The following ADGRV1 variants were observed in gnomAD, a reference collection of about 807,000 sequenced individuals.
ADGRV1 encodes G-protein coupled receptor 98.
A neutral mutation model predicts 596.2 loss-of-function variants in ADGRV1; 359 were observed. The ratio of observed to expected loss-of-function variants is 0.60; its 90% confidence interval spans 0.55 to 0.66. ADGRV1 has a LOEUF of 0.66. Among genes scored for constraint, ADGRV1 ranks in the 30% least tolerant of loss-of-function variants. ADGRV1 has a pLI of 0.00. For synonymous variants in ADGRV1, 2,681 were observed against 2,679.2 expected, an observed-to-expected ratio of 1.00 and a Z score of -0.02; for missense variants, 7,274 against 7,575.6, an observed-to-expected ratio of 0.96 and a Z score of 1.48.
intron 83 of ADGRV1, among the ~76,000 whole-genome samples, chr5:90,913,754 C>T (rs1773108259): frequency 6.6e-6 from 1 of 152,086 alleles, no homozygotes; most frequent in Non-Finnish European, 1.5e-5. Context: ...AAACCTTATT[C>T]TGAAATGAGT....
chr5:90,961,406 T>C (rs1365822204), intron 83 of ADGRV1, among the ~76,000 whole-genome samples: 1 of 147,484 alleles, frequency 6.8e-6, no homozygotes, highest in Non-Finnish European at 1.5e-5. Flanking sequence ...GAGATTCGCT[T>C]GAACCCGGGA....
chr5:90,847,151 C>G (rs1581305371), intron 78 of ADGRV1, among the ~76,000 whole-genome samples: 2 of 152,304 alleles, frequency 1.3e-5, no homozygotes, highest in African/African-American at 4.8e-5. Flanking sequence ...GGTGCATTCA[C>G]AAACCCTGAG....
At chr5:91,122,013 A>G (rs1488627305) in intron 87 of ADGRV1, among the ~76,000 whole-genome samples, 1 of 152,136 alleles carries the variant, frequency 6.6e-6, no homozygotes, top group African/African-American at 2.4e-5. Context: ...ATTGAACTTC[A>G]AAAGTGTTGT....
intron 57 of ADGRV1, among the ~76,000 whole-genome samples, chr5:90,757,980 C>T (rs1756018541): frequency 6.6e-6 from 1 of 152,246 alleles, no homozygotes; most frequent in Non-Finnish European, 1.5e-5. Flanking sequence ...GATTTTCCTA[C>T]ACAGAAAAAC....
At chr5:90,817,560 G>A (rs903076034) in intron 75 of ADGRV1, among the ~76,000 whole-genome samples, 1 of 151,876 alleles carries the variant, frequency 6.6e-6, no homozygotes, top group Non-Finnish European at 1.5e-5. Context: ...TAATGTTTAA[G>A]TCTTTAATCC....
chr5:90,841,699 A>G (rs1765446950), intron 78 of ADGRV1, among the ~76,000 whole-genome samples: 1 of 152,204 alleles, frequency 6.6e-6, no homozygotes, highest in Non-Finnish European at 1.5e-5. Flanking sequence ...TCCTATCAAT[A>G]TATTTATATA....
At chr5:90,601,002 C>T (rs760863711) in intron 1 of ADGRV1, among the ~76,000 whole-genome samples, 3 of 151,948 alleles carry the variant, frequency 2.0e-5, no homozygotes, top group South Asian at 2.1e-4. Flanking sequence ...TTTGGGAGGC[C>T]GAGGCGGGTG....
intron 51 of ADGRV1, 85 bp from the exon 52 acceptor site, chr5:90,745,506 A>G: frequency 1.1e-6 from 1 of 940,936 alleles, no homozygotes; most frequent in Non-Finnish European, 1.6e-6. Context: ...AACCTTTAAT[A>G]TCAATTAATG....
chr5:90,910,804 C>G (rs1772817974), intron 83 of ADGRV1, among the ~76,000 whole-genome samples: 1 of 152,138 alleles, frequency 6.6e-6, no homozygotes, highest in South Asian at 2.1e-4. Context: ...GACTGAAAAT[C>G]TAATCTTTTA....
intron 42 of ADGRV1, among the ~76,000 whole-genome samples, chr5:90,713,954 G>C (rs1749736210): frequency 6.6e-6 from 1 of 152,102 alleles, no homozygotes. Flanking sequence ...ATGCCCCATT[G>C]ATTGACCTTG....
At chr5:90,983,623 C>A (rs1780256658) in intron 84 of ADGRV1, among the ~76,000 whole-genome samples, 1 of 151,992 alleles carries the variant, frequency 6.6e-6, no homozygotes, top group African/African-American at 2.4e-5. Context: ...TTACACAACC[C>A]CGCTTATTTG....
intron 83 of ADGRV1, among the ~76,000 whole-genome samples, chr5:90,906,731 T>G (rs970184506): frequency 6.6e-6 from 1 of 152,152 alleles, no homozygotes; most frequent in Non-Finnish European, 1.5e-5. Context: ...TCAATTGTAT[T>G]TATTGCTGCT....
intron 87 of ADGRV1, among the ~76,000 whole-genome samples, chr5:91,124,375 T>C (rs1009002814): frequency 2.6e-5 from 4 of 152,218 alleles, no homozygotes; most frequent in African/African-American, 9.6e-5. Flanking sequence ...AATGTTTGTC[T>C]TGTTTTTCTC....
At chr5:91,042,886 T>C (rs1371053419) in intron 85 of ADGRV1, among the ~76,000 whole-genome samples, 1 of 152,110 alleles carries the variant, frequency 6.6e-6, no homozygotes. Context: ...GTTCACTGTT[T>C]GGCTTCAACT....
At chr5:90,953,087 T>A (rs1287724417) in intron 83 of ADGRV1, among the ~76,000 whole-genome samples, 3 of 152,138 alleles carry the variant, frequency 2.0e-5, no homozygotes, top group Non-Finnish European at 4.4e-5. Flanking sequence ...GAAAGCCATG[T>A]GAAAAAATCT....
Position 91,102,120 on chromosome 5 carries a change from G to A in ADGRV1, c.18311-99G>A, listed in dbSNP as rs1467877922. ...ATTTCCAAGGTTGTTCTCTCAAAAT[G>A]GGCACTAGAATACCACAGAAAGAAG... On this transcript the variant is annotated intron_variant, in intron 86 of 89. Transcript: ENST00000405460. 4 of 1,039,216 alleles carry A rather than the reference G, an allele frequency of 3.8e-6. No homozygotes were observed. In the Admixed American group the frequency reaches 1.1e-4, roughly 28 times the overall value. The allele number at this position is 1,039,216 out of a possible 1,614,324, so 64.4% of individuals were successfully genotyped here.
chr5:90,729,174 G>A (rs982587164), intron 49 of ADGRV1, among the ~76,000 whole-genome samples: 2 of 152,126 alleles, frequency 1.3e-5, no homozygotes, highest in Non-Finnish European at 2.9e-5. Flanking sequence ...ATTGGAAGTA[G>A]GTAGGTAAAG....
chr5:90,754,698 T>TA (rs1755640173), intron 54 of ADGRV1, among the ~76,000 whole-genome samples: 1 of 152,148 alleles, frequency 6.6e-6, no homozygotes, highest in South Asian at 2.1e-4. Context: ...CAATTTCTGT[T>TA]AAAGTGTATG....
At chr5:91,112,059 A>G (rs913115272) in intron 87 of ADGRV1, among the ~76,000 whole-genome samples, 1 of 152,232 alleles carries the variant, frequency 6.6e-6, no homozygotes, top group Non-Finnish European at 1.5e-5. Context: ...TCCATTTCAC[A>G]ATGAGTGACA....
Sources: allele counts gnomAD v4.1 joint callset (sites outside exome capture counted in the v4.1 genomes callset), GRCh38; gene constraint gnomAD v4.1.1; transcripts MANE v1.5; gene names NCBI Gene and HGNC (gene_info 2026-07-23, HGNC 2026-07-21).